The following PCDHA10 variants were observed in gnomAD, a reference collection of about 807,000 sequenced individuals.
PCDHA10 encodes protocadherin alpha-10.
Under a neutral mutation model 61.2 loss-of-function variants are expected in PCDHA10, and 45 were observed. The ratio of observed to expected loss-of-function variants is 0.74; its 90% CI spans 0.58 to 0.94. The LOEUF is 0.94. Among genes scored for constraint, PCDHA10 ranks in the 40% least tolerant of loss-of-function variants. The pLI is 0.00. For synonymous variants in PCDHA10, 602 were observed against 548.8 expected (o/e 1.10, Z -1.35); for missense variants, 1,278 against 1,236.2 (o/e 1.03, Z -0.51).
intron 1 of PCDHA10, chr5:140,869,449 G>C (rs1562628506): frequency 9.3e-6 from 15 of 1,614,196 alleles, no homozygotes; most frequent in Non-Finnish European, 1.3e-5. Context: ...GCCGCTGCAG[G>C]TTTTCCATGT....
rs1246720296 is a variant in PCDHA10, at chr5:140,996,308, AAGGGGGG to A, written c.2537-13314_2537-13308del. 2.6e-5 allele frequency among the ~76,000 whole-genome samples: 4 copies of A among 152,358 alleles called. No individual in the cohort carries two copies. The East Asian group carries it at 5.8e-4, about 22-fold the overall frequency. On this transcript the variant is annotated intron_variant, in intron 3 of 3. Coordinates refer to ENST00000307360, the MANE Select transcript of PCDHA10 (RefSeq NM_018901.4). ...CAAGAAGCACAGATTGTAACAAAGT[AAGGGGGG>A]AGGGTAGAGAAGAAAAGTTTGAAAA... is the stretch of plus-strand genomic sequence containing the variant.
chr5:140,911,405 C>T (rs565928237), intron 1 of PCDHA10, among the ~76,000 whole-genome samples: 45 of 152,276 alleles, frequency 3.0e-4, no homozygotes, highest in South Asian at 1.5e-3. Flanking sequence ...AGGTCAGCCA[C>T]TGGTATGATA....
chr5:140,868,979 C>T, intron 1 of PCDHA10: 6 of 1,485,290 alleles, frequency 4.0e-6, no homozygotes, highest in Non-Finnish European at 5.4e-6. Flanking sequence ...TCCATCATAC[C>T]GGATGCCACC....
chr5:140,885,053 A>T (rs2060447405), intron 1 of PCDHA10, among the ~76,000 whole-genome samples: 1 of 152,248 alleles, frequency 6.6e-6, no homozygotes, highest in African/African-American at 2.4e-5. Flanking sequence ...ATGTATACAT[A>T]TACCCACAAG....
chr5:140,982,772 A>T (rs144366377), intron 3 of PCDHA10, among the ~76,000 whole-genome samples: 67 of 152,052 alleles, frequency 4.4e-4, no homozygotes, highest in African/African-American at 1.5e-3. Context: ...TAACAAGGAA[A>T]GTGTGTGTGC....
At chr5:140,942,260 T>TA (rs2093256424) in intron 1 of PCDHA10, among the ~76,000 whole-genome samples, 1 of 152,086 alleles carries the variant, frequency 6.6e-6, no homozygotes, top group African/African-American at 2.4e-5. Flanking sequence ...AAAAGATATC[T>TA]AAAGCTGGTA....
At chr5:140,874,372 A>C (rs1055265865) in intron 1 of PCDHA10, among the ~76,000 whole-genome samples, 1 of 152,362 alleles carries the variant, frequency 6.6e-6, no homozygotes, top group South Asian at 2.1e-4. Context: ...TAAACTCATG[A>C]AAGGTCTTTT....
chr5:141,001,278 C>T (rs182360019), intron 3 of PCDHA10, among the ~76,000 whole-genome samples: 500 of 152,168 alleles, frequency 3.3e-3, no homozygotes, highest in Admixed American at 5.6e-3. Context: ...ACTTTTTTTA[C>T]GGATGAAAAC....
At chr5:140,965,496 A>AT (rs71766133) in intron 1 of PCDHA10, among the ~76,000 whole-genome samples, 6,292 of 146,438 alleles carry the variant, frequency 0.043, 368 homozygotes, top group African/African-American at 0.14. Flanking sequence ...ATGACAGCAG[A>AT]TTTTTTTTTT....
At chr5:140,966,747 C>T (rs2096048243) in intron 1 of PCDHA10, 3 of 1,426,904 alleles carry the variant, frequency 2.1e-6, no homozygotes, top group Admixed American at 5.5e-5. Flanking sequence ...GCCCGGCTGC[C>T]TCCGCCGCGG....
chr5:140,994,190 C>G (rs1377695035), intron 3 of PCDHA10, among the ~76,000 whole-genome samples: 1 of 152,136 alleles, frequency 6.6e-6, no homozygotes, highest in Non-Finnish European at 1.5e-5. Context: ...ACCACCAGGG[C>G]CTGTTGGTCC....
intron 1 of PCDHA10, chr5:140,883,431 C>T: frequency 6.2e-7 from 1 of 1,614,172 alleles, no homozygotes. Flanking sequence ...GTCACCTGCA[C>T]CTTGACGCCG....
At chr5:140,883,978 T>G in intron 1 of PCDHA10, 1 of 1,612,780 alleles carries the variant, frequency 6.2e-7, no homozygotes, top group Non-Finnish European at 8.5e-7. Flanking sequence ...CGCCCGGGGC[T>G]GGCAGCGCGG....
chr5:140,931,314 A>G (rs782684940), intron 1 of PCDHA10, among the ~76,000 whole-genome samples: 3 of 152,176 alleles, frequency 2.0e-5, no homozygotes, highest in Non-Finnish European at 4.4e-5. Context: ...GGAGAATACC[A>G]GTAATGGCTG....
At position 140,856,908 on chromosome 5, in the gene PCDHA10, C is replaced by G. The variant is rs1319775845; in HGVS notation, c.860C>G (p.Thr287Arg). 7 of 1,595,460 alleles carry G rather than the reference C, an allele frequency of 4.4e-6. 1 individual carries two copies. The African/African-American group carries it at 9.4e-5, about 22-fold the overall frequency. The change falls in exon 1 of 4, where the codon ACG becomes AGG. Residue 287 changes from threonine to arginine, a missense_variant. Thr to Arg is a moderately conservative substitution (Grantham distance 71, BLOSUM62 -1). Coordinates refer to ENST00000307360, the MANE Select transcript of PCDHA10 (RefSeq NM_018901.4). ...TCATTTAGCTCTTTGGTCCCACCCA[C>G]GATAAGAAGGAAATTTTGGATAAAC... ...MYSFSSLVPP[T>R]IRRKFWINER...
chr5:140,915,887 TC>T (rs1276492784), intron 1 of PCDHA10, among the ~76,000 whole-genome samples: 1 of 152,078 alleles, frequency 6.6e-6, no homozygotes, highest in African/African-American at 2.4e-5. Context: ...GGTAGCAAGT[TC>T]CCCCTGGCCC....
chr5:140,956,434 T>G (rs1554222427), intron 1 of PCDHA10, among the ~76,000 whole-genome samples: 1 of 152,236 alleles, frequency 6.6e-6, no homozygotes, highest in Non-Finnish European at 1.5e-5. Flanking sequence ...TTAGTTCTGC[T>G]TATGTGATGA....
At chr5:140,997,510 C>T (rs536611731) in intron 3 of PCDHA10, among the ~76,000 whole-genome samples, 60 of 152,102 alleles carry the variant, frequency 3.9e-4, no homozygotes, top group Non-Finnish European at 6.9e-4. Context: ...CATACCTAAA[C>T]GCAGAAAAAG....
intron 1 of PCDHA10, chr5:140,884,640 A>G: frequency 6.2e-7 from 1 of 1,610,250 alleles, no homozygotes; most frequent in East Asian, 2.2e-5. Context: ...CAGAGGGAGG[A>G]GGACTCAGAA....
Sources: gnomAD v4.1 joint callset for allele counts (sites outside exome capture counted in the v4.1 genomes callset) on GRCh38, gnomAD v4.1.1 for gene constraint, MANE v1.5 for transcripts, NCBI Gene and HGNC (gene_info 2026-07-23, HGNC 2026-07-21) for gene names.